The following FAT3 variants were observed in gnomAD, a reference collection of about 807,000 sequenced individuals.
FAT3 encodes the protein FAT atypical cadherin 3, also known as protocadherin Fat 3.
FAT3 carries 95 observed loss-of-function variants against 310.2 expected under a neutral mutation model. The ratio of observed to expected loss-of-function variants is 0.31; its 90% confidence interval spans 0.26 to 0.36. The LOEUF (loss-of-function observed/expected upper bound fraction) is 0.36. Among genes scored for constraint, FAT3 ranks in the 10% least tolerant of loss-of-function variants. FAT3 has a pLI of 1.00. For synonymous variants in FAT3, 2,314 were observed against 2,192.9 expected (o/e 1.06, Z -1.54); for missense variants, 5,408 against 5,715.6 (o/e 0.95, Z 1.74).
chr11:92,690,860 C>T (rs1294748238), intron 3 of FAT3, among the ~76,000 whole-genome samples: 2 of 152,068 alleles, frequency 1.3e-5, no homozygotes, highest in Non-Finnish European at 2.9e-5. Context: ...AAGTCAGAAT[C>T]TTATAGAAGA....
chr11:92,425,201 G>A (rs1359617905), intron 2 of FAT3, among the ~76,000 whole-genome samples: 2 of 151,920 alleles, frequency 1.3e-5, no homozygotes, highest in Admixed American at 1.3e-4. Context: ...TTTCTTCAGA[G>A]TGATTTTTTA....
chr11:92,446,030 A>C (rs1232463559), intron 2 of FAT3, among the ~76,000 whole-genome samples: 1 of 152,206 alleles, frequency 6.6e-6, no homozygotes, highest in Non-Finnish European at 1.5e-5. Flanking sequence ...ATTTATGAAT[A>C]TATTAATCAG....
At chr11:92,370,342 A>G (rs1591183470) in intron 2 of FAT3, among the ~76,000 whole-genome samples, 1 of 152,296 alleles carries the variant, frequency 6.6e-6, no homozygotes, top group South Asian at 2.1e-4. Flanking sequence ...GTTGGCTTTG[A>G]AAGGAAATTC....
intron 1 of FAT3, among the ~76,000 whole-genome samples, chr11:92,335,212 T>TA (rs5793597): frequency 1.7e-3 from 235 of 141,710 alleles, no homozygotes; most frequent in East Asian, 0.012. Context: ...TTGTTTTTGT[T>TA]AAAAAAAAAA....
At chr11:92,484,730 A>G (rs1486644817) in intron 2 of FAT3, among the ~76,000 whole-genome samples, 1 of 152,226 alleles carries the variant, frequency 6.6e-6, no homozygotes, top group Non-Finnish European at 1.5e-5. Flanking sequence ...CTTTCTCTCC[A>G]CAGAGTAATA....
intron 3 of FAT3, among the ~76,000 whole-genome samples, chr11:92,561,179 G>A (rs1591451088): frequency 6.6e-6 from 1 of 151,764 alleles, no homozygotes; most frequent in Non-Finnish European, 1.5e-5. Flanking sequence ...CAGTACCCTA[G>A]TGAATATAGC....
At chr11:92,562,403 T>A (rs557858659) in intron 3 of FAT3, among the ~76,000 whole-genome samples, 1 of 152,308 alleles carries the variant, frequency 6.6e-6, no homozygotes, top group Non-Finnish European at 1.5e-5. Context: ...TTTTATTTCA[T>A]GTTCTCCCAG....
chr11:92,486,506 A>AGT (rs1175599401), intron 2 of FAT3, among the ~76,000 whole-genome samples: 1 of 152,206 alleles, frequency 6.6e-6, no homozygotes, highest in Admixed American at 6.5e-5. Context: ...TTAATCCCTT[A>AGT]GTTAATTCTA....
At chr11:92,434,043 C>T (rs930537636) in intron 2 of FAT3, among the ~76,000 whole-genome samples, 10 of 150,682 alleles carry the variant, frequency 6.6e-5, no homozygotes, top group Non-Finnish European at 3.0e-5. Flanking sequence ...AGAACCATCA[C>T]TGTGGATTGA....
chr11:92,611,537 TGGTGGAACTAC>T (rs1013835334), intron 3 of FAT3, among the ~76,000 whole-genome samples: 1 of 152,146 alleles, frequency 6.6e-6, no homozygotes, highest in Non-Finnish European at 1.5e-5. Context: ...CATCCCAAGT[TGGTGGAACTAC>T]GGGCCCAGCT....
chr11:92,747,836 A>T (rs191218058), intron 4 of FAT3, among the ~76,000 whole-genome samples: 1 of 152,224 alleles, frequency 6.6e-6, no homozygotes, highest in East Asian at 1.9e-4. Flanking sequence ...CCTCATCTCC[A>T]TCTGAGACAA....
At chr11:92,856,470 C>G (rs1002835001) in intron 19 of FAT3, among the ~76,000 whole-genome samples, 1 of 152,184 alleles carries the variant, frequency 6.6e-6, no homozygotes, top group African/African-American at 2.4e-5. Context: ...TCTTAAATAA[C>G]TCACTTGGGT....
At chr11:92,528,463 T>TCCGCCTCCCG (rs1565386299) in intron 3 of FAT3, among the ~76,000 whole-genome samples, 20 of 152,048 alleles carry the variant, frequency 1.3e-4, no homozygotes, top group Non-Finnish European at 2.2e-4. Context: ...CTCGGCTCAC[T>TCCGCCTCCCG]GCAAGCTCCG....
intron 1 of FAT3, among the ~76,000 whole-genome samples, chr11:92,236,750 T>G (rs1178529561): frequency 6.6e-6 from 1 of 152,226 alleles, no homozygotes; most frequent in Non-Finnish European, 1.5e-5. Flanking sequence ...TAAAATTTGC[T>G]CACAGTTCAG....
chr11:92,547,512 T>C (rs538411476), intron 3 of FAT3, among the ~76,000 whole-genome samples: 20 of 152,054 alleles, frequency 1.3e-4, no homozygotes, highest in Non-Finnish European at 2.6e-4. Flanking sequence ...TCTTCCAACT[T>C]TGACAGATGT....
intron 3 of FAT3, among the ~76,000 whole-genome samples, chr11:92,615,070 T>C (rs901058773): frequency 1.3e-5 from 2 of 152,238 alleles, no homozygotes; most frequent in Non-Finnish European, 2.9e-5. Context: ...ATGTGTCTAT[T>C]CTAGTGCTAG....
In FAT3 at chr11:92,524,877, C is replaced by A. The variant is rs370778887; in HGVS notation, c.3536C>A (p.Ser1179Tyr). The A allele has an allele frequency of 1.4e-4, 227 of 1,613,694 alleles. 15 individuals carry two copies. The highest frequency in any genetic ancestry group is 3.3e-4 in the Middle Eastern group (2 of 6,084). ...CAGGCTGAAGATCCTGACTCCAGTTCCAATGAAAAACTGACATACAGGATT... is the reference window on the plus strand; with the variant it reads ...CAGGCTGAAGATCCTGACTCCAGTTACAATGAAAAACTGACATACAGGATT... ...QIQAEDPDSS[S>Y]NEKLTYRITS... Residue 1179 changes from serine (S) to tyrosine (Y), a missense_variant, in exon 3 of 28, where the codon TCC becomes TAC. Coordinates refer to ENST00000525166, the MANE Select transcript of FAT3 (RefSeq NM_001367949.2).
intron 3 of FAT3, among the ~76,000 whole-genome samples, chr11:92,593,108 G>T (rs1332946832): frequency 6.6e-6 from 1 of 152,050 alleles, no homozygotes; most frequent in African/African-American, 2.4e-5. Flanking sequence ...TGTCCTCAAG[G>T]TTTATCCATG....
In FAT3 at chr11:92,776,431, A is replaced by G. The variant is rs997216253; in HGVS notation, c.4335+2251A>G. ...ATCATTTAACAGCGTTTGTTCCACA[A>G]ATATCTTTAGAGTTCACACCATAGG... On this transcript the variant is annotated intron_variant, in intron 7 of 27. Coordinates refer to ENST00000525166, the MANE Select transcript of FAT3 (RefSeq NM_001367949.2). 3.9e-5 allele frequency among the ~76,000 whole-genome samples: 6 copies of G among 152,198 alleles called. No homozygotes were observed. In the East Asian group the frequency reaches 7.7e-4, roughly 20 times the overall value.
Sources: gnomAD v4.1 joint callset for allele counts (sites outside exome capture counted in the v4.1 genomes callset) on GRCh38, gnomAD v4.1.1 for gene constraint, MANE v1.5 for transcripts, NCBI Gene and HGNC (gene_info 2026-07-23, HGNC 2026-07-21) for gene names.